The following UBA6 variants were observed in gnomAD, a reference collection of about 807,000 sequenced individuals.
The protein encoded by UBA6 is ubiquitin like modifier activating enzyme 6.
In UBA6, 87 loss-of-function variants were observed where a neutral mutation model predicts 148.3. The ratio of observed to expected loss-of-function variants is 0.59; its 90% CI spans 0.49 to 0.70. The LOEUF is 0.70. Ranked by LOEUF, UBA6 falls within the 30% of genes least tolerant of loss-of-function variation. The probability of loss-of-function intolerance (pLI) is 0.00; values close to 1 mark genes in which losing one functional copy is unlikely to be tolerated. For synonymous variants in UBA6, 376 were observed against 401.0 expected (o/e 0.94, Z 0.75); for missense variants, 1,186 against 1,241.2 (o/e 0.96, Z 0.67).
intron 2 of UBA6, among the ~76,000 whole-genome samples, 181 bp downstream of exon 2, chr4:67,696,464 T>TACATATATAC (rs932963557): frequency 2.2e-5 from 3 of 139,296 alleles, no homozygotes; most frequent in African/African-American, 5.3e-5. Context: ...TATATACATA[T>TACATATATAC]ACATATATAC....
intron 13 of UBA6, among the ~76,000 whole-genome samples, chr4:67,659,970 C>T (rs1039484534): frequency 2.0e-5 from 3 of 152,098 alleles, no homozygotes; most frequent in African/African-American, 7.2e-5. Context: ...TGCCCCTGCC[C>T]TAGAGATCTG....
At chr4:67,659,656 G>GTATTTTATA (rs1428863174) in intron 13 of UBA6, among the ~76,000 whole-genome samples, 1 of 14,802 alleles carries the variant, frequency 6.8e-5, no homozygotes, top group East Asian at 3.0e-3. Context: ...TATAGCATAT[G>GTATTTTATA]CAGTGTGACA....
At chr4:67,662,147 TAACA>T in intron 13 of UBA6, 38 bp downstream of exon 13, 1 of 1,583,206 alleles carries the variant, frequency 6.3e-7, no homozygotes, top group South Asian at 1.1e-5. Context: ...ACTTATGTAT[TAACA>T]AACAAATATT....
chr4:67,629,083 C>G lies in UBA6; in HGVS notation c.2388G>C (p.Lys796Asn), dbSNP rs773099473. 37 of 1,608,224 alleles carry G rather than the reference C, an allele frequency of 2.3e-5. No homozygotes were observed. Among genetic ancestry groups the G allele is most frequent in the Non-Finnish European group, 2.6e-5 (31 of 1,175,556 alleles). ...ILSEVKIQEF[K>N]PSNKVVQTDE... ...TTTTTAAACATACCTTATTGGAAGG[C>G]TTGAATTCCTGAATCTTTACTTCTG... Residue 796 changes from lysine to asparagine, a missense_variant, in exon 27 of 33, where the codon AAG (lysine) becomes AAC (asparagine). Transcript: ENST00000322244.
At chr4:67,688,088 T>C (rs1452255844) in intron 2 of UBA6, among the ~76,000 whole-genome samples, 4 of 152,162 alleles carry the variant, frequency 2.6e-5, no homozygotes, top group Non-Finnish European at 5.9e-5. Context: ...GTTTAGATGC[T>C]TAAAGTAGTA....
intron 1 of UBA6, among the ~76,000 whole-genome samples, chr4:67,697,116 A>G (rs1003859433): frequency 6.6e-6 from 1 of 152,060 alleles, no homozygotes. Context: ...GACGATTTTC[A>G]TGCCTCAGCC....
intron 23 of UBA6, among the ~76,000 whole-genome samples, chr4:67,633,138 A>G (rs1729039974): frequency 6.6e-6 from 1 of 152,188 alleles, no homozygotes; most frequent in Non-Finnish European, 1.5e-5. Flanking sequence ...ATTTCTGACT[A>G]AATGTCCCTA....
intron 13 of UBA6, among the ~76,000 whole-genome samples, chr4:67,659,932 T>G (rs1560490912): frequency 6.6e-6 from 1 of 152,214 alleles, no homozygotes; most frequent in African/African-American, 2.4e-5. Flanking sequence ...ACTCTTATTA[T>G]GCTTTAGTAA....
chr4:67,684,134 T>A (rs1730505555), intron 2 of UBA6, among the ~76,000 whole-genome samples: 1 of 152,150 alleles, frequency 6.6e-6, no homozygotes, highest in Non-Finnish European at 1.5e-5. Flanking sequence ...ATGCAGCAAG[T>A]TACCCTTCTT....
chr4:67,613,232 G>A lies in UBA6; in HGVS notation c.*5765C>T, dbSNP rs1407004207. The stretch of plus-strand genomic sequence containing the variant: ...TGCCAGAAGCAAAAAACTCTGTGGA[G>A]GATAAAAATATCATTCTGAGCATCA... On this transcript the variant is annotated 3_prime_UTR_variant, in exon 33 of 33. Coordinates refer to ENST00000322244, the MANE Select transcript of UBA6 (RefSeq NM_018227.6). 2 of 152,032 alleles carry A rather than the reference G, an allele frequency of 1.3e-5. No individual in the cohort carries two copies. Among genetic ancestry groups the A allele is most frequent in the East Asian group, 3.9e-4 (2 of 5,192 alleles). The allele number at this position is 152,032 out of a possible 1,614,324, so 9.4% of individuals were successfully genotyped here. A position where few individuals can be genotyped will look rare whatever the true frequency, so the allele number is the denominator to read the frequency against.
chr4:67,624,385 T>TA, intron 29 of UBA6, 132 bp from the exon 30 acceptor site: 1 of 709,502 alleles, frequency 1.4e-6, no homozygotes, highest in Non-Finnish European at 2.2e-6. Flanking sequence ...ACTATAGTAA[T>TA]ATAAATTTCT....
chr4:67,621,315 T>C (rs1728745200), intron 32 of UBA6, among the ~76,000 whole-genome samples: 1 of 152,232 alleles, frequency 6.6e-6, no homozygotes, highest in African/African-American at 2.4e-5. Flanking sequence ...CAACTGATTA[T>C]CATAGTTAAA....
chr4:67,688,817 G>A (rs1730629048), intron 2 of UBA6, among the ~76,000 whole-genome samples: 1 of 151,756 alleles, frequency 6.6e-6, no homozygotes, highest in Admixed American at 6.6e-5. Flanking sequence ...CGTTTTATAG[G>A]GAAATCTAAT....
chr4:67,623,020 T>A, intron 31 of UBA6, 95 bp from the exon 32 acceptor site: 1 of 1,354,582 alleles, frequency 7.4e-7, no homozygotes, highest in Non-Finnish European at 1.0e-6. Context: ...TTATGACCAG[T>A]AAAAAAAGCA....
chr4:67,634,744 T>C (rs539201614), intron 20 of UBA6, among the ~76,000 whole-genome samples: 224 of 152,266 alleles, frequency 1.5e-3, no homozygotes, highest in Non-Finnish European at 2.5e-3. Context: ...TCTTATTTAT[T>C]ATTTGTGTAC....
chr4:67,669,180 T>C (rs1422388756), intron 8 of UBA6, among the ~76,000 whole-genome samples: 1 of 152,192 alleles, frequency 6.6e-6, no homozygotes, highest in Admixed American at 6.5e-5. Context: ...CAATAAAAGA[T>C]AACACCAATG....
chr4:67,628,949 G>A, intron 27 of UBA6, 122 bp downstream of exon 27: 1 of 700,046 alleles, frequency 1.4e-6, no homozygotes, highest in Non-Finnish European at 2.6e-6. Context: ...TCAAACTCAA[G>A]TTGCACTGAC....
At chr4:67,629,271 C>T (rs1443430403) in intron 26 of UBA6, 129 bp from the exon 27 acceptor site, 1 of 618,968 alleles carries the variant, frequency 1.6e-6, no homozygotes, top group Non-Finnish European at 2.8e-6. Flanking sequence ...TGTAGACATC[C>T]ATTTGAGACA....
Position 67,701,071 on chromosome 4 carries a change from A to AG in UBA6, c.48dup (p.Cys17LeufsTer11), listed in dbSNP as rs1730970309. 1 of 1,613,674 alleles carries AG rather than the reference A, an allele frequency of 6.2e-7. No individual in the cohort carries two copies. Among genetic ancestry groups the AG allele is most frequent in the African/African-American group, 1.3e-5 (1 of 74,916 alleles). ...CACCTGCCAGTCCCCCAGGAAGAAC[A>AG]GGACGCCTCTTCCCCCTGATGGGCG... On this transcript the variant is annotated frameshift_variant, in exon 1 of 33. Transcript: ENST00000322244. LOFTEE classifies it high-confidence loss of function.
Sources: allele counts gnomAD v4.1 joint callset (sites outside exome capture counted in the v4.1 genomes callset), GRCh38; gene constraint gnomAD v4.1.1; transcripts MANE v1.5; gene names NCBI Gene and HGNC (gene_info 2026-07-23, HGNC 2026-07-21).